DLGAP2: variants seen among roughly 807,000 people sequenced by gnomAD.
DLGAP2 encodes the protein DLG associated protein 2.
A neutral mutation model predicts 100.3 loss-of-function variants in DLGAP2; 26 were observed. The ratio of observed to expected loss-of-function variants is 0.26; its 90% CI spans 0.19 to 0.36. The LOEUF (loss-of-function observed/expected upper bound fraction) is 0.36. DLGAP2 is among the 10% of genes least tolerant of loss of function. DLGAP2 has a pLI of 1.00. For synonymous variants in DLGAP2, 886 were observed against 630.1 expected, an observed-to-expected ratio of 1.41 and a Z score of -6.08; for missense variants, 1,858 against 1,453.2, an observed-to-expected ratio of 1.28 and a Z score of -4.53.
rs1431594881 is a variant in DLGAP2, at chr8:1,005,076, TTG to T, written c.73+97114_73+97115del. On this transcript the variant is annotated intron_variant, in intron 2 of 14. Transcript: ENST00000637795. The stretch of plus-strand genomic sequence containing the variant: ...ACAGAAACTCTGTCTTCCACTGCCC[TTG>T]TGTCTTCCTGTGGATGGATCGTTAT... Among the ~76,000 whole-genome samples the T allele has an allele frequency of 1.2e-4, 19 of 152,318 alleles. No individual in the cohort carries two copies. The East Asian group carries it at 2.7e-3, about 22-fold the overall frequency.
intron 3 of DLGAP2, among the ~76,000 whole-genome samples, chr8:1,321,229 A>C (rs902251438): frequency 6.8e-6 from 1 of 146,938 alleles, no homozygotes; most frequent in Non-Finnish European, 1.5e-5. Flanking sequence ...GTGTGTGTGC[A>C]TCTGTGTCTC....
intron 1 of DLGAP2, among the ~76,000 whole-genome samples, chr8:745,968 C>T (rs1253482999): frequency 1.3e-5 from 2 of 152,216 alleles, no homozygotes; most frequent in Non-Finnish European, 2.9e-5. Context: ...TATGGGGGTC[C>T]GCACCACCCC....
chr8:1,481,861 T>G (rs117379065), intron 3 of DLGAP2, among the ~76,000 whole-genome samples: 4,073 of 152,270 alleles, frequency 0.027, 77 homozygotes, highest in Middle Eastern at 0.11. Flanking sequence ...AAAACTAAAC[T>G]CATGTCAGGG....
At chr8:1,188,672 G>A (rs1023982154) in intron 2 of DLGAP2, among the ~76,000 whole-genome samples, 8 of 152,030 alleles carry the variant, frequency 5.3e-5, no homozygotes, top group African/African-American at 7.2e-5. Flanking sequence ...CCAGCACTCC[G>A]GGGGCAGGAA....
At chr8:1,464,007 A>C (rs1052543779) in intron 3 of DLGAP2, among the ~76,000 whole-genome samples, 1 of 152,240 alleles carries the variant, frequency 6.6e-6, no homozygotes, top group African/African-American at 2.4e-5. Context: ...TGGAAGAAAA[A>C]GACCAAAGTA....
rs1007201690 is a variant in DLGAP2, at chr8:1,029,686, G to A, written c.73+121720G>A. On this transcript the variant is annotated intron_variant, in intron 2 of 14. Transcript: ENST00000637795. Reference sequence around the variant, plus strand: ...AATACTGAGAAGAGTAACTGGGTTAGAGAAAGGCGGGTGACCTTGACTGAG... The same window carrying A: ...AATACTGAGAAGAGTAACTGGGTTAAAGAAAGGCGGGTGACCTTGACTGAG... Among the ~76,000 whole-genome samples, 5 of 152,290 alleles carry A rather than the reference G, an allele frequency of 3.3e-5. 1 individual carries two copies. Among genetic ancestry groups the A allele is most frequent in the Admixed American group, 2.6e-4 (4 of 15,308 alleles).
intron 14 of DLGAP2, among the ~76,000 whole-genome samples, chr8:1,699,990 A>G (rs1799521918): frequency 6.6e-6 from 1 of 152,240 alleles, no homozygotes; most frequent in African/African-American, 2.4e-5. Flanking sequence ...ATTACTTGTT[A>G]AAGTAGCTGA....
At position 1,139,780 on chromosome 8, in the gene DLGAP2, G is replaced by C. The variant is rs190476061; in HGVS notation, c.74-119071G>C. On this transcript the variant is annotated intron_variant, in intron 2 of 14. Transcript: ENST00000637795. The stretch of plus-strand genomic sequence containing the variant: ...GTGCCTGGCACAGGGTTTGGGGTCT[G>C]ACAGGTCCCAGGGGCTCTCTCAGCA... Among the ~76,000 whole-genome samples, 7 of 152,146 alleles carry C rather than the reference G, an allele frequency of 4.6e-5. 1 individual carries two copies. The highest frequency in any genetic ancestry group is 1.7e-4 in the African/African-American group (7 of 41,426).
At chr8:1,140,235 G>A (rs1221909019) in intron 2 of DLGAP2, among the ~76,000 whole-genome samples, 6 of 152,120 alleles carry the variant, frequency 3.9e-5, no homozygotes, top group Non-Finnish European at 8.8e-5. Context: ...CCGCTCTGCC[G>A]AGGGCATTCC....
At chr8:1,284,399 A>G (rs545361493) in intron 3 of DLGAP2, among the ~76,000 whole-genome samples, 2 of 152,272 alleles carry the variant, frequency 1.3e-5, no homozygotes, top group Non-Finnish European at 2.9e-5. Flanking sequence ...ATTGAGGTGC[A>G]GCACGGAGAG....
intron 3 of DLGAP2, among the ~76,000 whole-genome samples, chr8:1,497,729 T>A (rs1297004096): frequency 6.6e-6 from 1 of 151,896 alleles, no homozygotes; most frequent in African/African-American, 2.4e-5. Flanking sequence ...GAACTGGGGG[T>A]GGGAACGTGG....
At chr8:1,285,086 T>C (rs974933048) in intron 3 of DLGAP2, among the ~76,000 whole-genome samples, 1 of 152,228 alleles carries the variant, frequency 6.6e-6, no homozygotes, top group Non-Finnish European at 1.5e-5. Flanking sequence ...TTATCTGTAG[T>C]ATAAATTCTG....
chr8:771,351 G>A (rs984632071), intron 1 of DLGAP2, among the ~76,000 whole-genome samples: 17 of 152,140 alleles, frequency 1.1e-4, no homozygotes, highest in African/African-American at 3.6e-4. Flanking sequence ...ATTTAAATAC[G>A]TTTCATAGAG....
intron 2 of DLGAP2, among the ~76,000 whole-genome samples, chr8:1,244,317 T>C (rs146579464): frequency 2.8e-3 from 430 of 152,354 alleles, no homozygotes; most frequent in African/African-American, 9.8e-3. Flanking sequence ...TGATAGGTCA[T>C]AGACCATTTT....
intron 2 of DLGAP2, among the ~76,000 whole-genome samples, chr8:924,747 T>G (rs1047282314): frequency 6.6e-6 from 1 of 151,932 alleles, no homozygotes; most frequent in African/African-American, 2.4e-5. Context: ...CATGCCTGGC[T>G]ATTTTTTTGT....
intron 1 of DLGAP2, among the ~76,000 whole-genome samples, chr8:848,325 G>A (rs1046622491): frequency 3.3e-5 from 5 of 151,892 alleles, no homozygotes; most frequent in South Asian, 2.1e-4. Context: ...GTATAGGATC[G>A]TGCGGTGCGT....
intron 2 of DLGAP2, among the ~76,000 whole-genome samples, chr8:1,086,759 G>A (rs1803986352): frequency 6.6e-6 from 1 of 152,162 alleles, no homozygotes; most frequent in Admixed American, 6.6e-5. Context: ...AATATATAAA[G>A]TAAATGTGAA....
chr8:1,509,129 G>C (rs1033816961), intron 4 of DLGAP2, among the ~76,000 whole-genome samples: 1 of 151,902 alleles, frequency 6.6e-6, no homozygotes, highest in Non-Finnish European at 1.5e-5. Flanking sequence ...TCAGGAGATC[G>C]AGACCATCCT....
chr8:1,369,997 C>T (rs140833742), intron 3 of DLGAP2, among the ~76,000 whole-genome samples: 2 of 152,276 alleles, frequency 1.3e-5, no homozygotes, highest in East Asian at 1.9e-4. Context: ...CTTCTTCACG[C>T]AGTTGCCCTC....
Sources: gnomAD v4.1 joint callset for allele counts (sites outside exome capture counted in the v4.1 genomes callset) on GRCh38, gnomAD v4.1.1 for gene constraint, MANE v1.5 for transcripts, NCBI Gene and HGNC (gene_info 2026-07-23, HGNC 2026-07-21) for gene names.